VCAN: variants seen among roughly 807,000 people sequenced by gnomAD.
VCAN encodes the protein versican.
A neutral mutation model predicts 245.5 loss-of-function variants in VCAN; 44 were observed. The ratio of observed to expected loss-of-function variants is 0.18; its 90% CI spans 0.14 to 0.23. The LOEUF is 0.23. VCAN is among the 10% of genes least tolerant of loss of function. The pLI, the probability that VCAN is intolerant of heterozygous loss-of-function variation, is 1.00. For missense variants in VCAN, 3,793 were observed against 4,057.9 expected (o/e 0.93, Z 1.77); for synonymous variants, 1,413 against 1,437.0 (o/e 0.98, Z 0.38).
intron 5 of VCAN, among the ~76,000 whole-genome samples, chr5:83,498,109 C>A (rs1215246175): frequency 6.6e-6 from 1 of 152,144 alleles, no homozygotes; most frequent in Non-Finnish European, 1.5e-5. Context: ...GGGTTAACTA[C>A]TACCCTACTA....
In VCAN at chr5:83,540,991, T is replaced by C. The variant is rs1332672437; in HGVS notation, c.7988T>C (p.Leu2663Pro). ...ATGACTTATGAAGATAGAAGCCAAC[T>C]AGATCACATGGGCTTTCACTTCACA... ...ESMTYEDRSQ[L>P]DHMGFHFTTG... is the part of the protein sequence containing the mutation. The change falls in exon 8 of 15, where the codon CTA becomes CCA. Residue 2663 changes from leucine (L) to proline (P), a missense_variant. Physicochemically the swap from Leu to Pro is moderately conservative, Grantham distance 98. Coordinates refer to ENST00000265077, the MANE Select transcript of VCAN (RefSeq NM_004385.5). 6.2e-7 allele frequency: 1 copy of C among 1,614,048 alleles called. No homozygotes were observed. The highest frequency in any genetic ancestry group is 2.2e-5 in the East Asian group (1 of 44,864).
At chr5:83,567,287 A>C (rs902198096) in intron 12 of VCAN, among the ~76,000 whole-genome samples, 3 of 151,834 alleles carry the variant, frequency 2.0e-5, no homozygotes, top group Admixed American at 1.3e-4. Context: ...CTCTACATCA[A>C]CTATTTGCGT....
rs1747371049 is a variant in VCAN at position 83,549,402 on chromosome 5, C to G, written c.9493+1318C>G. 2.0e-5 allele frequency among the ~76,000 whole-genome samples: 3 copies of G among 152,122 alleles called. No homozygotes were observed. In the South Asian group the frequency reaches 6.2e-4, roughly 32 times the overall value. The stretch of plus-strand genomic sequence containing the variant: ...ATTTGGTTGGCATAGCATTTCTATG[C>G]ATTCAGTGGGCTAGAAATTAAGGCT... On this transcript the variant is annotated intron_variant, in intron 10 of 14. Coordinates refer to ENST00000265077, the MANE Select transcript of VCAN (RefSeq NM_004385.5).
intron 5 of VCAN, 23 bp from the exon 6 acceptor site, chr5:83,512,080 T>C: frequency 1.2e-6 from 2 of 1,613,688 alleles, no homozygotes; most frequent in Non-Finnish European, 1.7e-6. Flanking sequence ...CTTTGGGCTT[T>C]TTTTCCCTTC....
intron 5 of VCAN, among the ~76,000 whole-genome samples, chr5:83,502,861 A>C (rs918381575): frequency 1.6e-4 from 25 of 152,178 alleles, no homozygotes; most frequent in African/African-American, 2.4e-4. Context: ...ACAAGGGAGA[A>C]ATTTGGAGGG....
rs765076203 is a variant in VCAN at position 83,521,101 on chromosome 5, A to G, written c.2795A>G (p.Asp932Gly). 4 of 1,614,076 alleles carry G rather than the reference A, an allele frequency of 2.5e-6. 1 individual carries two copies. In the South Asian group the frequency reaches 3.3e-5, roughly 13 times the overall value. ...GSALGEVEDV[D>G]LSKPVSTVPQ... The stretch of plus-strand genomic sequence containing the variant: ...GCTTTGGGTGAAGTAGAAGATGTGG[A>G]CCTCTCTAAGCCAGTATCTACTGTT... Residue 932 changes from aspartate to glycine, a missense_variant, in exon 7 of 15, where the codon GAC (aspartate) becomes GGC (glycine). This residue lies in a region of VCAN where 3,182 missense variants were observed against 3,250.3 expected (regional missense o/e 0.98). Transcript: ENST00000265077.
intron 12 of VCAN, among the ~76,000 whole-genome samples, chr5:83,570,629 C>T (rs1290775730): frequency 6.6e-6 from 1 of 151,920 alleles, no homozygotes; most frequent in Non-Finnish European, 1.5e-5. Context: ...AGGAGAATAC[C>T]TTTTAAGTTT....
In VCAN at chr5:83,522,150, A is replaced by G; in HGVS notation, c.3844A>G (p.Thr1282Ala). Residue 1282 changes from threonine to alanine, a missense_variant, in exon 7 of 15, where the codon ACT (threonine) becomes GCT (alanine). By Grantham distance (58) the Thr-to-Ala change is moderately conservative (BLOSUM62 0). Coordinates refer to ENST00000265077, the MANE Select transcript of VCAN (RefSeq NM_004385.5). ...ETDIDREYFT[T>A]SSPPATQPTR... ...CGATATTGATAGAGAGTATTTCACG[A>G]CTTCAAGTCCTCCTGCTACACAGCC... The G allele has an allele frequency of 6.2e-7, 1 of 1,612,238 alleles. No homozygotes were observed. Among genetic ancestry groups the G allele is most frequent in the Non-Finnish European group, 8.5e-7 (1 of 1,180,014 alleles).
chr5:83,484,032 G>T (rs1206816114), intron 2 of VCAN, among the ~76,000 whole-genome samples: 1 of 152,086 alleles, frequency 6.6e-6, no homozygotes, highest in African/African-American at 2.4e-5. Context: ...TTTTAAAAAA[G>T]CAGTTGGATA....
chr5:83,547,946 G>A (rs201044230), intron 9 of VCAN, 25 bp from the exon 10 acceptor site: 6 of 1,514,196 alleles, frequency 4.0e-6, no homozygotes, highest in Non-Finnish European at 5.5e-6. Context: ...AAAGTATTTT[G>A]TGAGCTTTTA....
At chr5:83,546,262 T>C (rs1747215431) in intron 9 of VCAN, among the ~76,000 whole-genome samples, 2 of 151,028 alleles carry the variant, frequency 1.3e-5, no homozygotes, top group Admixed American at 1.3e-4. Flanking sequence ...AAGGCACCAG[T>C]GTTGATTTGG....
At chr5:83,475,642 T>C (rs1744362237) in intron 1 of VCAN, among the ~76,000 whole-genome samples, 1 of 152,224 alleles carries the variant, frequency 6.6e-6, no homozygotes. Flanking sequence ...TCTGACTTCT[T>C]GTTCTGAGCT....
rs1444278244 is a variant in VCAN at position 83,541,710 on chromosome 5, G to T, written c.8707G>T (p.Asp2903Tyr). The part of the protein sequence containing the change: ...SPDTKLEPSE[D>Y]DGKPELLEEM... Reference sequence around the variant, plus strand: ...TGACACAAAATTAGAACCTTCAGAAGATGATGGTAAACCTGAGTTATTAGA... The same window carrying T: ...TGACACAAAATTAGAACCTTCAGAATATGATGGTAAACCTGAGTTATTAGA... Residue 2903 changes from aspartate (D) to tyrosine (Y), a missense_variant, in exon 8 of 15, where the codon GAT (aspartate) becomes TAT (tyrosine). By Grantham distance (160) the Asp-to-Tyr change is radical. Around this residue, in one of 5 missense-constraint regions of VCAN, gnomAD observed 3,182 missense variants for 3,250.3 expected, o/e 0.98. Transcript: ENST00000265077. 2 of 1,613,982 alleles carry T rather than the reference G, an allele frequency of 1.2e-6. No homozygotes were observed. The highest frequency in any genetic ancestry group is 1.7e-6 in the Non-Finnish European group (2 of 1,179,992).
chr5:83,531,981 A>C (rs1375721631), intron 7 of VCAN, among the ~76,000 whole-genome samples: 1 of 152,300 alleles, frequency 6.6e-6, no homozygotes, highest in Non-Finnish European at 1.5e-5. Flanking sequence ...AAATCCAAAC[A>C]AAAGTTATAT....
chr5:83,563,368 C>T (rs1435371560), intron 12 of VCAN, among the ~76,000 whole-genome samples: 1 of 152,118 alleles, frequency 6.6e-6, no homozygotes, highest in East Asian at 1.9e-4. Context: ...CACTCCCCCT[C>T]CAGACTGCAA....
chr5:83,550,674 G>T (rs1368705435), intron 10 of VCAN, among the ~76,000 whole-genome samples: 1 of 151,974 alleles, frequency 6.6e-6, no homozygotes, highest in African/African-American at 2.4e-5. Context: ...ATCACCTGAG[G>T]TCAGAAGTTC....
chr5:83,477,941 T>A (rs974471605), intron 1 of VCAN, among the ~76,000 whole-genome samples: 5 of 149,654 alleles, frequency 3.3e-5, no homozygotes, highest in Admixed American at 2.7e-4. Context: ...CAAAAAAAAA[T>A]AATTTTTTTC....
chr5:83,471,833 T>C lies in VCAN; in HGVS notation c.-197T>C, dbSNP rs900281211. 5.0e-6 allele frequency: 2 copies of C among 398,300 alleles called. No individual in the cohort carries two copies. The highest frequency in any genetic ancestry group is 2.1e-5 in the African/African-American group (1 of 48,584). 24.7% of individuals were successfully genotyped at this position (398,300 alleles called of 1,614,324 possible). A position where few individuals can be genotyped will look rare whatever the true frequency, so the allele number is the denominator to read the frequency against. On this transcript the variant is annotated 5_prime_UTR_variant, in exon 1 of 15. Coordinates refer to ENST00000265077, the MANE Select transcript of VCAN (RefSeq NM_004385.5). Reference sequence around the variant, plus strand: ...CAACAGCCGAGAACATTAGGTGTTGTGGACAGGAGCTGGGACCAAGATCTT... The same window carrying C: ...CAACAGCCGAGAACATTAGGTGTTGCGGACAGGAGCTGGGACCAAGATCTT...
Position 83,521,193 on chromosome 5 carries a change from C to T in VCAN, c.2887C>T (p.Pro963Ser), listed in dbSNP as rs76914270. ...AFVSYSSTQE[P>S]TTYVDSSHTI... The stretch of plus-strand genomic sequence containing the variant: ...TGTTAGTTATAGTAGCACCCAAGAG[C>T]CTACTACTTATGTAGACTCTTCCCA... The change falls in exon 7 of 15, where the codon CCT (proline) becomes TCT (serine). Residue 963 changes from proline to serine, a missense_variant. Physicochemically the swap from Pro to Ser is moderately conservative, Grantham distance 74 (BLOSUM62 -1). Transcript: ENST00000265077. 9.6e-4 allele frequency: 1,557 copies of T among 1,613,484 alleles called. 13 individuals carry two copies. In the African/African-American group the frequency reaches 0.019, roughly 19 times the overall value.
Sources: gnomAD v4.1 joint callset for allele counts (sites outside exome capture counted in the v4.1 genomes callset) on GRCh38, gnomAD v4.1.1 for gene constraint, gnomAD v4.1.1 regional missense constraint, MANE v1.5 for transcripts, NCBI Gene and HGNC (gene_info 2026-07-23, HGNC 2026-07-21) for gene names.